The following SEMA3C variants were observed in gnomAD, a reference collection of about 807,000 sequenced individuals.
The protein encoded by SEMA3C is semaphorin-3C.
A neutral mutation model predicts 89.4 loss-of-function variants in SEMA3C; 47 were observed. The ratio of observed to expected loss-of-function variants is 0.53; its 90% confidence interval spans 0.42 to 0.67. The LOEUF (loss-of-function observed/expected upper bound fraction) is 0.67. Among genes scored for constraint, SEMA3C ranks in the 30% least tolerant of loss-of-function variants. SEMA3C has a pLI of 0.00. For missense variants in SEMA3C, 839 were observed against 929.1 expected, an observed-to-expected ratio of 0.90 and a Z score of 1.26; for synonymous variants, 310 against 320.2, an observed-to-expected ratio of 0.97 and a Z score of 0.34.
chr7:80,836,113 G>T (rs1211425027), intron 2 of SEMA3C, among the ~76,000 whole-genome samples: 1 of 152,086 alleles, frequency 6.6e-6, no homozygotes, highest in African/African-American at 2.4e-5. Flanking sequence ...GCCAGTCGGG[G>T]ACGAGTAGAT....
chr7:80,770,820 T>C (rs1387707275), intron 12 of SEMA3C, among the ~76,000 whole-genome samples: 1 of 152,218 alleles, frequency 6.6e-6, no homozygotes, highest in Non-Finnish European at 1.5e-5. Context: ...ATGAGGTAAG[T>C]GAGCCTCTTC....
At chr7:80,816,586 T>C (rs1215678433) in intron 5 of SEMA3C, among the ~76,000 whole-genome samples, 1 of 152,162 alleles carries the variant, frequency 6.6e-6, no homozygotes, top group Non-Finnish European at 1.5e-5. Flanking sequence ...AATATGGCTT[T>C]TATACTACAA....
intron 2 of SEMA3C, among the ~76,000 whole-genome samples, chr7:80,907,529 C>G (rs1309827390): frequency 6.6e-6 from 1 of 151,910 alleles, no homozygotes; most frequent in Non-Finnish European, 1.5e-5. Flanking sequence ...GCTGGATGGA[C>G]CAACAAAGTT....
chr7:80,835,718 C>T (rs184007963), intron 2 of SEMA3C, among the ~76,000 whole-genome samples: 1 of 152,214 alleles, frequency 6.6e-6, no homozygotes, highest in African/African-American at 2.4e-5. Flanking sequence ...AAATAATAGC[C>T]CCAAATAGCA....
intron 4 of SEMA3C, 27 bp downstream of exon 4, chr7:80,827,398 T>TG (rs780114053): frequency 1.6e-4 from 217 of 1,399,050 alleles, no homozygotes; most frequent in Admixed American, 7.4e-4. Flanking sequence ...TAGTGTTTTT[T>TG]TTTTTTTTTT....
intron 2 of SEMA3C, chr7:80,906,037 A>G (rs773527886): frequency 2.3e-5 from 10 of 428,698 alleles, no homozygotes; most frequent in Non-Finnish European, 4.1e-5. Context: ...ACAGATGGAC[A>G]TAACAAGCTT....
At position 80,775,125 on chromosome 7, in the gene SEMA3C, T is replaced by TA. The variant is rs201176902; in HGVS notation, c.1355-9883dup. ...TTCTATATCCACAAAAATACTCTTT[T>TA]AAAAAAAGTGAAAACAATCAATAAA... On this transcript the variant is annotated intron_variant, in intron 12 of 17. Coordinates refer to ENST00000265361, the MANE Select transcript of SEMA3C (RefSeq NM_006379.5). 8.0e-3 allele frequency among the ~76,000 whole-genome samples: 1,214 copies of TA among 152,178 alleles called. 19 individuals carry two copies. The highest frequency in any genetic ancestry group is 0.027 in the African/African-American group (1,130 of 41,562).
upstream of SEMA3C, chr7:80,922,126 A>G (rs550036422): frequency 2.1e-6 from 1 of 484,084 alleles, no homozygotes; most frequent in African/African-American, 2.0e-5. Flanking sequence ...TCTTTAATGA[A>G]GTTACAATTT....
At chr7:80,880,313 T>A (rs1424936926) in intron 2 of SEMA3C, among the ~76,000 whole-genome samples, 1 of 152,204 alleles carries the variant, frequency 6.6e-6, no homozygotes, top group East Asian at 1.9e-4. Context: ...TTATTCATCA[T>A]GTTTAGTGTT....
chr7:80,882,412 C>CTTTTTTTT (rs763742493), intron 2 of SEMA3C, among the ~76,000 whole-genome samples: 3 of 46,654 alleles, frequency 6.4e-5, no homozygotes, highest in African/African-American at 1.9e-4. Flanking sequence ...GTAAGGGATG[C>CTTTTTTTT]TTTTTTTTTT....
chr7:80,753,197 A>G (rs996051874), intron 15 of SEMA3C, among the ~76,000 whole-genome samples: 2 of 152,186 alleles, frequency 1.3e-5, no homozygotes, highest in Non-Finnish European at 2.9e-5. Flanking sequence ...AAAACAGTGA[A>G]AGTGTTAGCC....
chr7:80,901,874 A>G (rs1791888862), intron 2 of SEMA3C, among the ~76,000 whole-genome samples: 4 of 152,234 alleles, frequency 2.6e-5, no homozygotes, highest in Admixed American at 6.5e-5. Context: ...AATGAAAGAC[A>G]TTATATTGAT....
chr7:80,776,360 C>T (rs903345203), intron 12 of SEMA3C, among the ~76,000 whole-genome samples: 14 of 152,070 alleles, frequency 9.2e-5, no homozygotes, highest in South Asian at 4.2e-4. Context: ...TATTCATTCT[C>T]GTTTTGCACT....
intron 2 of SEMA3C, among the ~76,000 whole-genome samples, chr7:80,887,742 T>C (rs1008599447): frequency 6.6e-6 from 1 of 152,206 alleles, no homozygotes; most frequent in African/African-American, 2.4e-5. Context: ...ATTGGATACA[T>C]ACTGACAATT....
intron 2 of SEMA3C, among the ~76,000 whole-genome samples, chr7:80,833,143 C>T (rs1025753455): frequency 6.6e-6 from 1 of 152,006 alleles, no homozygotes; most frequent in Admixed American, 6.6e-5. Context: ...ATTAGAAAAT[C>T]GTCAATCCAG....
At chr7:80,801,257 T>A (rs948071259) in intron 9 of SEMA3C, among the ~76,000 whole-genome samples, 6 of 152,076 alleles carry the variant, frequency 3.9e-5, no homozygotes, top group Non-Finnish European at 5.9e-5. Context: ...ATTAAAAAAA[T>A]TACAAATCTC....
chr7:80,750,447 TATATATATATATATATATATATATATAC>T (rs1293809625), intron 16 of SEMA3C, among the ~76,000 whole-genome samples: 953 of 50,912 alleles, frequency 0.019, 20 homozygotes, highest in African/African-American at 0.06. Context: ...TATATATATA[TATATATATATATATATATATATATATAC>T]ACACACACAC....
intron 2 of SEMA3C, among the ~76,000 whole-genome samples, chr7:80,879,425 G>A (rs537922893): frequency 1.3e-5 from 2 of 152,130 alleles, no homozygotes; most frequent in African/African-American, 4.8e-5. Flanking sequence ...AGCAGGGTAA[G>A]GGGCAAGAGA....
At chr7:80,808,211 A>G in intron 6 of SEMA3C, among the ~76,000 whole-genome samples, 1 of 152,314 alleles carries the variant, frequency 6.6e-6, no homozygotes, top group Non-Finnish European at 1.5e-5. Context: ...TTATTATTCT[A>G]AAGAATATTC....
Sources: allele counts gnomAD v4.1 joint callset (sites outside exome capture counted in the v4.1 genomes callset), GRCh38; gene constraint gnomAD v4.1.1; transcripts MANE v1.5; gene names NCBI Gene and HGNC (gene_info 2026-07-23, HGNC 2026-07-21).